The following CFAP74 variants were observed in gnomAD, a reference collection of about 807,000 sequenced individuals.
The protein encoded by CFAP74 is cilia- and flagella-associated protein 74.
A neutral mutation model predicts 188.9 loss-of-function variants in CFAP74; 124 were observed. The observed-to-expected ratio is 0.66, with a 90% confidence interval of 0.57 to 0.76. The LOEUF (loss-of-function observed/expected upper bound fraction) is 0.76, where lower values mean the gene tolerates loss of function less well. Among genes scored for constraint, CFAP74 ranks in the 30% least tolerant of loss-of-function variants. CFAP74 has a pLI of 0.00. For synonymous variants in CFAP74, 956 were observed against 916.7 expected (o/e 1.04, Z -0.77); for missense variants, 2,198 against 2,165.2 (o/e 1.02, Z -0.30).
In CFAP74 at chr1:1,926,295, G is replaced by A; in HGVS notation, c.3881C>T (p.Ser1294Phe). The A allele has an allele frequency of 6.5e-7, 1 of 1,546,710 alleles. No individual in the cohort carries two copies. The highest frequency in any genetic ancestry group is 8.7e-7 in the Non-Finnish European group (1 of 1,144,862). Residue 1294 changes from serine (S) to phenylalanine (F), a missense_variant, in exon 32 of 39, where the codon TCC becomes TTC. Ser to Phe is a radical substitution (Grantham distance 155, BLOSUM62 -2). Transcript: ENST00000682832. ...GGTCCCACCTGCACGCAGCAGGCTG[G>A]AGTGGTTCAGCAGGACAAAGGGGCC... ...PNGPFVLLNH[S>F]SLLRAGGTQV...
intron 13 of CFAP74, among the ~76,000 whole-genome samples, 187 bp downstream of exon 13, chr1:1,964,701 A>G (rs943055567): frequency 6.6e-6 from 1 of 152,208 alleles, no homozygotes; most frequent in Non-Finnish European, 1.5e-5. Context: ...GAGGCAGGAG[A>G]ATCGCTTGAA....
At chr1:1,929,837 G>A (rs1023397913) in intron 26 of CFAP74, among the ~76,000 whole-genome samples, 15 of 152,190 alleles carry the variant, frequency 9.9e-5, no homozygotes, top group Middle Eastern at 3.4e-3. Flanking sequence ...CTGGACCAAG[G>A]GCACTGTGAC....
At chr1:1,958,161 T>C (rs1449233503) in intron 16 of CFAP74, among the ~76,000 whole-genome samples, 1 of 152,204 alleles carries the variant, frequency 6.6e-6, no homozygotes, top group East Asian at 1.9e-4. Flanking sequence ...CAGGTGCTCA[T>C]CAAAGGTGGC....
chr1:1,939,845 C>G, intron 23 of CFAP74, 78 bp from the exon 24 acceptor site: 1 of 1,363,138 alleles, frequency 7.3e-7, no homozygotes, highest in Non-Finnish European at 1.0e-6. Context: ...GAGGCGCAAC[C>G]ACTGCTGCTG....
Position 1,968,001 on chromosome 1 carries a change from TGAGCGAATGAGTGAATG to T in CFAP74, c.1245+617_1245+633del, listed in dbSNP as rs1655596121. Among the ~76,000 whole-genome samples, 1 of 142,762 alleles carries T rather than the reference TGAGCGAATGAGTGAATG, an allele frequency of 7.0e-6. No individual in the cohort carries two copies. 93.7% of individuals were successfully genotyped at this position (142,762 alleles called of 152,430 possible). A position where few individuals can be genotyped will look rare whatever the true frequency, so the allele number is the denominator to read the frequency against. ...AGTAAAGAATGAATGAGTGAATGAG[TGAGCGAATGAGTGAATG>T]AATGAGTGAATGAGTGAATGAATAA... On this transcript the variant is annotated intron_variant, in intron 11 of 38. Coordinates refer to ENST00000682832, the MANE Select transcript of CFAP74 (RefSeq NM_001304360.2). The surrounding 1 kb of genome is among the most constrained non-coding windows in gnomAD (Gnocchi z 4.3).
chr1:1,976,351 G>A (rs918301704), intron 6 of CFAP74, among the ~76,000 whole-genome samples: 2 of 152,100 alleles, frequency 1.3e-5, no homozygotes, highest in East Asian at 1.9e-4. Flanking sequence ...GTGAGTTCAC[G>A]GAAGATCTGG....
In CFAP74 at chr1:1,927,723, C is replaced by A. The variant is rs1652024829; in HGVS notation, c.3411G>T (p.Gln1137His). 6.5e-7 allele frequency: 1 copy of A among 1,550,042 alleles called. No homozygotes were observed. The highest frequency in any genetic ancestry group is 2.0e-5 in the Admixed American group (1 of 50,978). ...TKSFRKNMAP[Q>H]RKDLHGLSFS... ...ATGACAGTCCATGCAGGTCCTTCCT[C>A]TGGGGGGCCATATTCTTTCGGAACT... The change falls in exon 28 of 39, where the codon CAG becomes CAT. Residue 1137 changes from glutamine (Q) to histidine (H), a missense_variant. By Grantham distance (24) the Gln-to-His change is conservative (BLOSUM62 0). Transcript: ENST00000682832.
intron 2 of CFAP74, among the ~76,000 whole-genome samples, chr1:1,989,882 T>A (rs374119411): frequency 6.6e-6 from 1 of 152,262 alleles, no homozygotes. Context: ...ACCCTGAGGG[T>A]CCCTTAGTGT....
At chr1:1,995,207 T>C (rs114357969) in intron 1 of CFAP74, among the ~76,000 whole-genome samples, 2,281 of 151,908 alleles carry the variant, frequency 0.015, 62 homozygotes, top group African/African-American at 0.052. Flanking sequence ...CGTAAAAATG[T>C]TGAAGAACAA....
Position 1,923,378 on chromosome 1 carries a change from C to G in CFAP74, c.4511G>C (p.Arg1504Thr). The G allele has an allele frequency of 6.3e-7, 1 of 1,576,712 alleles. No homozygotes were observed. Among genetic ancestry groups the G allele is most frequent in the Non-Finnish European group, 8.6e-7 (1 of 1,161,766 alleles). ...SLTAIPVFDP[R>T]HREASSRPGP... Reference sequence around the variant, plus strand: ...GGGGAGGGGCTCACCCTCTCTGTGCCTGGGGTCAAATACAGGGATCGCTGT... The same window carrying G: ...GGGGAGGGGCTCACCCTCTCTGTGCGTGGGGTCAAATACAGGGATCGCTGT... Residue 1504 changes from arginine to threonine, a missense_variant, in exon 36 of 39, where the codon AGG becomes ACG. Physicochemically the swap from Arg to Thr is moderately conservative, Grantham distance 71 (BLOSUM62 -1). Transcript: ENST00000682832. This position sits in a 1 kb window ranked among gnomAD's most constrained non-coding sequence, Gnocchi z 6.3.
chr1:1,925,893 G>A lies in CFAP74; in HGVS notation c.3994C>T (p.Leu1332Phe), dbSNP rs1651849738. 3 of 1,612,464 alleles carry A rather than the reference G, an allele frequency of 1.9e-6. No individual in the cohort carries two copies. The highest frequency in any genetic ancestry group is 1.7e-5 in the Admixed American group (1 of 59,976). The change falls in exon 33 of 39, where the codon CTC (leucine) becomes TTC (phenylalanine). Residue 1332 changes from leucine (L) to phenylalanine (F), a missense_variant. Transcript: ENST00000682832. Reference protein sequence around the residue: ...DIITKRGTLTLTLMGTGVASM... With the variant: ...DIITKRGTLTFTLMGTGVASM... The stretch of plus-strand genomic sequence containing the variant: ...GCCACGCCAGTGCCCATGAGGGTGA[G>A]GGTGAGCGTGCCTCTCTTGGTGATG...
chr1:1,971,964 G>A lies in CFAP74; in HGVS notation c.888+16C>T. ...GGGCGCCAAGGGAGAGGCTGGGTGG[G>A]GCTGCGGGGGCCTACCCGGTTCGCG... On this transcript the variant is annotated intron_variant, in intron 9 of 38. Coordinates refer to ENST00000682832, the MANE Select transcript of CFAP74 (RefSeq NM_001304360.2). 6.3e-7 allele frequency: 1 copy of A among 1,596,454 alleles called. No individual in the cohort carries two copies. Among genetic ancestry groups the A allele is most frequent in the South Asian group, 1.1e-5 (1 of 90,892 alleles).
At chr1:1,962,281 G>C (rs770321967) in intron 14 of CFAP74, among the ~76,000 whole-genome samples, 4 of 152,168 alleles carry the variant, frequency 2.6e-5, no homozygotes, top group East Asian at 1.9e-4. Context: ...TTCATGACCA[G>C]CCTGGCCAAC....
At chr1:1,963,696 A>C (rs750568647) in intron 14 of CFAP74, 53 bp downstream of exon 14, 20 of 1,161,202 alleles carry the variant, frequency 1.7e-5, no homozygotes, top group Non-Finnish European at 2.3e-5. Flanking sequence ...GGGACCTATG[A>C]ACCTCCTGCT....
In CFAP74 at chr1:1,975,244, G is replaced by A. The variant is rs1179046152; in HGVS notation, c.501-1046C>T. ...AGGGGTCCCACCGCCTTGGCCCTCC[G>A]TGAATAAAGTCTGCTTTACATCTTT... is the stretch of plus-strand genomic sequence containing the variant. On this transcript the variant is annotated intron_variant, in intron 6 of 38. Coordinates refer to ENST00000682832, the MANE Select transcript of CFAP74 (RefSeq NM_001304360.2). This position sits in a 1 kb window ranked among gnomAD's most constrained non-coding sequence, Gnocchi z 4.5. Among the ~76,000 whole-genome samples, 2 of 152,210 alleles carry A rather than the reference G, an allele frequency of 1.3e-5. No individual in the cohort carries two copies. The highest frequency in any genetic ancestry group is 2.9e-5 in the Non-Finnish European group (2 of 68,038).
intron 27 of CFAP74, 170 bp from the exon 28 acceptor site, chr1:1,927,916 G>A (rs1652045626): frequency 3.0e-6 from 2 of 658,800 alleles, no homozygotes; most frequent in Non-Finnish European, 5.1e-6. Flanking sequence ...CAGTGCGGAG[G>A]GGCACACAGA....
At chr1:1,984,695 G>T (rs1657123865) in intron 6 of CFAP74, 1 of 152,746 alleles carries the variant, frequency 6.5e-6, no homozygotes, top group Non-Finnish European at 1.5e-5. Flanking sequence ...CAGAGACTGG[G>T]TCAAAGCTCA....
chr1:1,923,816 G>C lies in CFAP74; in HGVS notation c.4348C>G (p.Leu1450Val). 4 of 1,613,526 alleles carry C rather than the reference G, an allele frequency of 2.5e-6. No individual in the cohort carries two copies. Among genetic ancestry groups the C allele is most frequent in the Non-Finnish European group, 3.4e-6 (4 of 1,179,870 alleles). Residue 1450 changes from leucine to valine, a missense_variant, in exon 35 of 39, where the codon CTC becomes GTC. Leu to Val is a conservative substitution (Grantham distance 32). Transcript: ENST00000682832. The surrounding 1 kb of genome is among the most constrained non-coding windows in gnomAD (Gnocchi z 6.3). ...TVTFSPDHES[L>V]YFSDKLQVVL... ...ACCTGGAGCTTGTCGGAGAAGTAGA[G>C]GCTTTCGTGGTCGGGGCTGAAGGTG... is the stretch of plus-strand genomic sequence containing the variant.
chr1:1,989,021 A>G (rs2102106398), intron 2 of CFAP74, 48 bp from the exon 3 acceptor site: 2 of 956,826 alleles, frequency 2.1e-6, no homozygotes, highest in East Asian at 2.5e-5. Flanking sequence ...CAGATCAAAC[A>G]TTTGCATCTG....
Sources: gnomAD v4.1 joint callset for allele counts (sites outside exome capture counted in the v4.1 genomes callset) on GRCh38, gnomAD v4.1.1 for gene constraint, Gnocchi (gnomAD v3.1) non-coding constraint, MANE v1.5 for transcripts, NCBI Gene and HGNC (gene_info 2026-07-23, HGNC 2026-07-21) for gene names.